KRT20: variants seen among roughly 807,000 people sequenced by gnomAD.
KRT20 encodes keratin 20.
Under a neutral mutation model 43.0 loss-of-function variants are expected in KRT20, and 41 were observed. The observed-to-expected ratio is 0.95, with a 90% CI of 0.74 to 1.24. The LOEUF is 1.24. Ranked by LOEUF, KRT20 falls within the 50% of genes most tolerant of loss-of-function variation. The pLI, the probability that KRT20 is intolerant of heterozygous loss-of-function variation, is 0.00. For missense variants in KRT20, 533 were observed against 521.2 expected (o/e 1.02, Z -0.22); for synonymous variants, 207 against 200.6 (o/e 1.03, Z -0.27).
At chr17:40,881,227 CTGTGTGTGTGTGTGTGTGTG>C (rs34632722) in intron 2 of KRT20, among the ~76,000 whole-genome samples, 1 of 145,648 alleles carries the variant, frequency 6.9e-6, no homozygotes, top group Non-Finnish European at 1.5e-5. Context: ...TACATACACA[CTGTGTGTGTGTGTGTGTGTG>C]TGTGTGTGTG....
In KRT20 at chr17:40,880,675, A is replaced by G; in HGVS notation, c.569T>C (p.Leu190Ser). The change falls in exon 3 of 8, where the codon TTG (leucine) becomes TCG (serine). Residue 190 changes from leucine (L) to serine (S), a missense_variant. Transcript: ENST00000167588. ...FDDLTLHKTD[L>S]EIQIEELNKD... The stretch of plus-strand genomic sequence containing the variant: ...ATTCAGTTCTTCAATTTGAATCTCC[A>G]AATCTGTTTTATGTAGGGTTAGGTC... 6.2e-7 allele frequency: 1 copy of G among 1,612,756 alleles called. No homozygotes were observed. The highest frequency in any genetic ancestry group is 8.5e-7 in the Non-Finnish European group (1 of 1,179,542).
In KRT20 at chr17:40,884,963, G is replaced by C. The variant is rs377474149; in HGVS notation, c.223C>G (p.Gln75Glu). 1.2e-6 allele frequency: 2 copies of C among 1,614,200 alleles called. No individual in the cohort carries two copies. Among genetic ancestry groups the C allele is most frequent in the South Asian group, 2.2e-5 (2 of 91,080 alleles). ...CTCGCTAGACGGTCATTTAGGTTCT[G>C]CATGGCCATTTTCTCATTGCCAACA... ...LFVGNEKMAM[Q>E]NLNDRLASYL... The change falls in exon 1 of 8, where the codon CAG becomes GAG. Residue 75 changes from glutamine (Q) to glutamate (E), a missense_variant. By Grantham distance (29) the Gln-to-Glu change is conservative (BLOSUM62 2). Coordinates refer to ENST00000167588, the MANE Select transcript of KRT20 (RefSeq NM_019010.3).
rs1907349010 is a variant in KRT20, at chr17:40,876,416, ACTT to A, written c.1217_1219del (p.Glu406del). 1 of 1,613,240 alleles carries A rather than the reference ACTT, an allele frequency of 6.2e-7. No individual in the cohort carries two copies. The highest frequency in any genetic ancestry group is 2.2e-5 in the East Asian group (1 of 44,862). On this transcript the variant is annotated inframe_deletion, in exon 8 of 8. Coordinates refer to ENST00000167588, the MANE Select transcript of KRT20 (RefSeq NM_019010.3). ...AGATGACACGACCTTGCCATCCACT[ACTT>A]CTTGCACGACTGTCTTAATCTTCCT...
chr17:40,879,754 A>AAC (rs1907504866), intron 5 of KRT20, 59 bp downstream of exon 5: 1 of 1,597,306 alleles, frequency 6.3e-7, no homozygotes, highest in Non-Finnish European at 8.6e-7. Context: ...TATAGTTCCT[A>AAC]ACAGAGGACC....
intron 7 of KRT20, among the ~76,000 whole-genome samples, chr17:40,877,154 G>A (rs957314567): frequency 2.6e-5 from 4 of 152,204 alleles, no homozygotes; most frequent in African/African-American, 9.7e-5. Flanking sequence ...GGATGACACA[G>A]CAAGAAGGCC....
chr17:40,876,411 C>G lies in KRT20; in HGVS notation c.1225G>C (p.Asp409His), dbSNP rs1907348779. ...ACTTCAGATGACACGACCTTGCCAT[C>G]CACTACTTCTTGCACGACTGTCTTA... is the stretch of plus-strand genomic sequence containing the variant. ...KIKTVVQEVV[D>H]GKVVSSEVKE... The change falls in exon 8 of 8, where the codon GAT becomes CAT. Residue 409 changes from aspartate to histidine, a missense_variant. By Grantham distance (81) the Asp-to-His change is moderately conservative (BLOSUM62 -1). Transcript: ENST00000167588. 6.2e-7 allele frequency: 1 copy of G among 1,613,394 alleles called. No homozygotes were observed. The highest frequency in any genetic ancestry group is 1.7e-5 in the Admixed American group (1 of 60,008).
intron 1 of KRT20, 141 bp downstream of exon 1, chr17:40,884,655 G>A: frequency 2.3e-6 from 2 of 861,242 alleles, no homozygotes; most frequent in South Asian, 3.7e-5. Context: ...AGCACTAAAG[G>A]TAGATGAAAG....
chr17:40,880,544 C>T, intron 3 of KRT20, 70 bp downstream of exon 3: 1 of 1,364,900 alleles, frequency 7.3e-7, no homozygotes, highest in South Asian at 1.3e-5. Context: ...GTTTCTCCCG[C>T]TCCTCCTATT....
At position 40,876,431 on chromosome 17, in the gene KRT20, G is replaced by A. The variant is rs770235957; in HGVS notation, c.1205C>T (p.Thr402Ile). The A allele has an allele frequency of 1.9e-6, 3 of 1,612,236 alleles. No individual in the cohort carries two copies. Among genetic ancestry groups the A allele is most frequent in the Admixed American group, 1.7e-5 (1 of 59,988 alleles). Residue 402 changes from threonine (T) to isoleucine (I), a missense_variant, in exon 8 of 8, where the codon ACA (threonine) becomes ATA (isoleucine). Transcript: ENST00000167588. ...RDIKKTRKIK[T>I]VVQEVVDGKV... ...GCCATCCACTACTTCTTGCACGACT[G>A]TCTTAATCTTCCTGGTTTTCTTTAT...
chr17:40,881,176 G>A (rs1597852233), intron 2 of KRT20, among the ~76,000 whole-genome samples: 1 of 152,128 alleles, frequency 6.6e-6, no homozygotes, highest in African/African-American at 2.4e-5. Flanking sequence ...GACATCCAAA[G>A]TGAATTATCT....
rs370061625 is a variant in KRT20 at position 40,880,266 on chromosome 17, G to A, written c.631-5C>T. 1.2e-4 allele frequency: 194 copies of A among 1,588,142 alleles called. No homozygotes were observed. The highest frequency in any genetic ancestry group is 1.5e-4 in the Non-Finnish European group (174 of 1,165,524). ...CTTGTGTAGGCCATCGACTTCCTAT[G>A]AAAGTGAAATTTCTGATTGATTTTA... On this transcript the variant is annotated splice_region_variant and splice_polypyrimidine_tract_variant and intron_variant, in intron 3 of 7. Transcript: ENST00000167588.
rs1907436932 is a variant in KRT20, at chr17:40,878,293, G to A, written c.991C>T (p.Leu331=). The A allele has an allele frequency of 6.2e-7, 1 of 1,614,072 alleles. No homozygotes were observed. The highest frequency in any genetic ancestry group is 8.5e-7 in the Non-Finnish European group (1 of 1,180,038). ...YSSQLANLQS[L]LSSLEAQLMQ... is the part of the protein sequence containing the mutation. ...AGTTGGGCCTCCAGAGAGCTCAACA[G>A]CGACTGGAGGTTGGCTAACTGGCTG... is the stretch of plus-strand genomic sequence containing the variant. Residue 331 remains leucine (L), a synonymous_variant, in exon 6 of 8, where the codon CTG becomes TTG. Coordinates refer to ENST00000167588, the MANE Select transcript of KRT20 (RefSeq NM_019010.3).
chr17:40,879,537 C>G (rs115161698), intron 5 of KRT20, among the ~76,000 whole-genome samples: 1 of 152,048 alleles, frequency 6.6e-6, no homozygotes, highest in Non-Finnish European at 1.5e-5. Flanking sequence ...TGCACATGTA[C>G]TCCTGAACTT....
Position 40,885,242 on chromosome 17 carries a change from T to C in KRT20, c.-57A>G. ...CAGGATGGTTGGGGCAGAGTGTGTC[T>C]CATGGAGGGTGTTGAGCTAGCCTTT... On this transcript the variant is annotated 5_prime_UTR_variant, in exon 1 of 8. Transcript: ENST00000167588. 1 of 1,483,458 alleles carries C rather than the reference T, an allele frequency of 6.7e-7. No individual in the cohort carries two copies. The highest frequency in any genetic ancestry group is 9.0e-7 in the Non-Finnish European group (1 of 1,116,920). 91.9% of individuals were successfully genotyped at this position (1,483,458 alleles called of 1,614,324 possible).
chr17:40,878,574 C>G (rs1038098225), intron 5 of KRT20, among the ~76,000 whole-genome samples: 5 of 152,176 alleles, frequency 3.3e-5, no homozygotes, highest in African/African-American at 9.7e-5. Context: ...TTGCTTGTAG[C>G]TTTGCACCTA....
At chr17:40,878,677 C>A (rs150524116) in intron 5 of KRT20, among the ~76,000 whole-genome samples, 12 of 152,294 alleles carry the variant, frequency 7.9e-5, no homozygotes, top group Admixed American at 5.9e-4. Flanking sequence ...TTCATCAGAC[C>A]TGGCCATGTG....
chr17:40,884,923 AC>A lies in KRT20; in HGVS notation c.262del (p.Val88CysfsTer70), dbSNP rs1425163034. On this transcript the variant is annotated frameshift_variant, in exon 1 of 8. Coordinates refer to ENST00000167588, the MANE Select transcript of KRT20 (RefSeq NM_019010.3). The stretch of plus-strand genomic sequence containing the variant: ...GGAGTTGGACTGCTCCAGGGTCCGC[AC>A]CTTTTCTAGGTAGCTCGCTAGACGG... The part of the protein sequence containing the change: ...NDRLASYLEK[V>X]RTLEQSNSKL... 2 of 1,614,180 alleles carry A rather than the reference AC, an allele frequency of 1.2e-6. No homozygotes were observed. The highest frequency in any genetic ancestry group is 3.3e-5 in the Admixed American group (2 of 60,012).
chr17:40,877,301 C>G, intron 7 of KRT20, 79 bp downstream of exon 7: 1 of 980,892 alleles, frequency 1.0e-6, no homozygotes, highest in Non-Finnish European at 1.5e-6. Flanking sequence ...AACAGCCTCA[C>G]TTTACTTTTT....
intron 1 of KRT20, among the ~76,000 whole-genome samples, chr17:40,882,992 G>T (rs1907667993): frequency 6.6e-6 from 1 of 152,076 alleles, no homozygotes; most frequent in Non-Finnish European, 1.5e-5. Context: ...TTACAGGCGT[G>T]AGCCACCGTG....
Sources: gnomAD v4.1 joint callset for allele counts (sites outside exome capture counted in the v4.1 genomes callset) on GRCh38, gnomAD v4.1.1 for gene constraint, MANE v1.5 for transcripts, NCBI Gene and HGNC (gene_info 2026-07-23, HGNC 2026-07-21) for gene names.